NIPAL3: variants seen among roughly 807,000 people sequenced by gnomAD.
The protein encoded by NIPAL3 is NIPA like domain containing 3.
Under a neutral mutation model 47.2 loss-of-function variants are expected in NIPAL3, and 41 were observed. The ratio of observed to expected loss-of-function variants is 0.87; its 90% CI spans 0.68 to 1.13. The LOEUF (loss-of-function observed/expected upper bound fraction) is 1.13. NIPAL3 is among the 50% of genes most tolerant of loss of function. The pLI, the probability that NIPAL3 is intolerant of heterozygous loss-of-function variation, is 0.00. For synonymous variants in NIPAL3, 194 were observed against 209.6 expected (o/e 0.93, Z 0.64); for missense variants, 449 against 530.1 (o/e 0.85, Z 1.50).
chr1:24,424,316 A>G (rs1391904711), intron 2 of NIPAL3, among the ~76,000 whole-genome samples: 3 of 152,184 alleles, frequency 2.0e-5, no homozygotes, highest in African/African-American at 7.2e-5. Flanking sequence ...CTGTTGCCTT[A>G]TCTGTAGAAT....
intron 2 of NIPAL3, among the ~76,000 whole-genome samples, chr1:24,427,962 T>C (rs1644673299): frequency 6.6e-6 from 1 of 152,128 alleles, no homozygotes; most frequent in Non-Finnish European, 1.5e-5. Context: ...CCACAACCCC[T>C]GCAGGCACTG....
At chr1:24,462,910 G>T (rs778552522) in intron 10 of NIPAL3, among the ~76,000 whole-genome samples, 22 of 151,998 alleles carry the variant, frequency 1.4e-4, no homozygotes, top group Non-Finnish European at 2.5e-4. Flanking sequence ...CCAGCCTGGT[G>T]GTTTGCCAAC....
chr1:24,431,742 C>G (rs1644887401), intron 2 of NIPAL3, among the ~76,000 whole-genome samples: 1 of 152,044 alleles, frequency 6.6e-6, no homozygotes, highest in African/African-American at 2.4e-5. Flanking sequence ...CCATTTTTCC[C>G]TGAGTCTTTT....
chr1:24,465,102 C>T (rs536394166), intron 11 of NIPAL3: 1 of 152,272 alleles, frequency 6.6e-6, no homozygotes, highest in African/African-American at 2.4e-5. Context: ...AACTCAATGT[C>T]AATGTGCTCC....
chr1:24,414,504 G>C (rs1300061421), upstream of NIPAL3: 1 of 145,464 alleles, frequency 6.9e-6, no homozygotes, highest in Non-Finnish European at 1.5e-5. Context: ...CCAATGGCTC[G>C]CCTTTAAATT....
chr1:24,469,377 G>C lies in NIPAL3; in HGVS notation c.*192G>C. ...GGAAATTTCAAATGATGAGGGTTGG[G>C]GGATGGAAGCATTATTCCAGGTGGA... is the stretch of plus-strand genomic sequence containing the variant. On this transcript the variant is annotated 3_prime_UTR_variant, in exon 12 of 12. Coordinates refer to ENST00000374399, the MANE Select transcript of NIPAL3 (RefSeq NM_020448.5). 1 of 572,796 alleles carries C rather than the reference G, an allele frequency of 1.7e-6. No homozygotes were observed. Among genetic ancestry groups the C allele is most frequent in the Non-Finnish European group, 3.1e-6 (1 of 325,644 alleles). 35.5% of individuals were successfully genotyped at this position (572,796 alleles called of 1,614,324 possible).
At chr1:24,417,928 G>A (rs1455369261) in intron 1 of NIPAL3, among the ~76,000 whole-genome samples, 1 of 152,138 alleles carries the variant, frequency 6.6e-6, no homozygotes. Context: ...AATATTTGTT[G>A]GATGAATGCA....
chr1:24,418,456 C>G (rs1644161681), intron 1 of NIPAL3, among the ~76,000 whole-genome samples: 1 of 151,994 alleles, frequency 6.6e-6, no homozygotes. Context: ...ATGGCGAAAC[C>G]CTGTCTCTAC....
intron 6 of NIPAL3, among the ~76,000 whole-genome samples, chr1:24,453,173 T>C (rs1369128489): frequency 6.6e-6 from 1 of 152,102 alleles, no homozygotes; most frequent in Non-Finnish European, 1.5e-5. Flanking sequence ...CCCTCAAAGC[T>C]TCAGCCTCAG....
rs377426633 is a variant in NIPAL3, at chr1:24,419,632, T to C, written c.85T>C (p.Ser29Pro). The change falls in exon 2 of 12, where the codon TCC becomes CCC. Residue 29 changes from serine to proline, a missense_variant. Coordinates refer to ENST00000374399, the MANE Select transcript of NIPAL3 (RefSeq NM_020448.5). ...CAGCGCCGTAAGCGAGGCCTCCTTC[T>C]CCTACAAGGCAAGGGCTTTTTTGGG... ...SSSAVSEASF[S>P]YKENLIGALL... 4 of 1,613,762 alleles carry C rather than the reference T, an allele frequency of 2.5e-6. No homozygotes were observed. In the African/African-American group the frequency reaches 5.3e-5, roughly 22 times the overall value.
chr1:24,448,632 C>T (rs1245677714), intron 5 of NIPAL3, among the ~76,000 whole-genome samples: 1 of 149,010 alleles, frequency 6.7e-6, no homozygotes, highest in Non-Finnish European at 1.5e-5. Context: ...CAGTGCAATA[C>T]CATCATGGCT....
In NIPAL3 at chr1:24,456,296, G is replaced by C. The variant is rs376487970; in HGVS notation, c.773+23G>C. On this transcript the variant is annotated intron_variant, in intron 8 of 11. Coordinates refer to ENST00000374399, the MANE Select transcript of NIPAL3 (RefSeq NM_020448.5). ...TGCGTGAGTTACAAATCCTTTTCCT[G>C]CTGGGCCCTGCCATTCGGGCTGCTT... 3.1e-6 allele frequency: 5 copies of C among 1,613,996 alleles called. No individual in the cohort carries two copies. The African/African-American group carries it at 6.7e-5, about 22-fold the overall frequency.
At chr1:24,450,986 C>T (rs1203762798) in intron 6 of NIPAL3, among the ~76,000 whole-genome samples, 1 of 152,256 alleles carries the variant, frequency 6.6e-6, no homozygotes, top group African/African-American at 2.4e-5. Context: ...TACCCCAGAA[C>T]AGGCCTTTCA....
rs764879730 is a variant in NIPAL3 at position 24,449,476 on chromosome 1, C to T, written c.395-5C>T. The T allele has an allele frequency of 1.8e-5, 29 of 1,612,726 alleles. No homozygotes were observed. Among genetic ancestry groups the T allele is most frequent in the African/African-American group, 5.3e-5 (4 of 74,864 alleles). On this transcript the variant is annotated splice_polypyrimidine_tract_variant and splice_region_variant and intron_variant, in intron 5 of 11. Transcript: ENST00000374399. The surrounding 1 kb of genome is among the most constrained non-coding windows in gnomAD (Gnocchi z 4.5). ...TGAGTCCGTGACAGCCTCTCTTCCCCGCAGGGCGCTACGTCTTGTCCTTTG... is the reference window on the plus strand; with the variant it reads ...TGAGTCCGTGACAGCCTCTCTTCCCTGCAGGGCGCTACGTCTTGTCCTTTG...
intron 2 of NIPAL3, among the ~76,000 whole-genome samples, chr1:24,434,086 C>G (rs1031060730): frequency 1.3e-5 from 2 of 152,024 alleles, no homozygotes; most frequent in Non-Finnish European, 2.9e-5. Context: ...GACAGAAGTC[C>G]TTTCTTATTA....
intron 11 of NIPAL3, chr1:24,465,822 A>G (rs1347591575): frequency 7.4e-6 from 6 of 811,074 alleles, no homozygotes; most frequent in Non-Finnish European, 1.1e-5. Context: ...ATGCCTGGTT[A>G]TATTTGGTTT....
chr1:24,429,002 T>C (rs533365051), intron 2 of NIPAL3, among the ~76,000 whole-genome samples: 1 of 152,310 alleles, frequency 6.6e-6, no homozygotes, highest in African/African-American at 2.4e-5. Flanking sequence ...CTCGTGGATT[T>C]AGTCAACCAC....
In NIPAL3 at chr1:24,464,097, A is replaced by G. The variant is rs374480930; in HGVS notation, c.998A>G (p.Tyr333Cys). 2 of 1,613,454 alleles carry G rather than the reference A, an allele frequency of 1.2e-6. No homozygotes were observed. The highest frequency in any genetic ancestry group is 1.1e-5 in the South Asian group (1 of 90,998). ...AAGAAGCCCATTCCATTTGAGCCCT[A>G]TATTTCCATGGATGCCATGCCAGGT... ...NRKKPIPFEP[Y>C]ISMDAMPGMQ... The change falls in exon 11 of 12, where the codon TAT becomes TGT. Residue 333 changes from tyrosine to cysteine, a missense_variant. Tyr to Cys is a radical substitution (Grantham distance 194). Transcript: ENST00000374399.
At chr1:24,453,135 A>G (rs1428562743) in intron 6 of NIPAL3, among the ~76,000 whole-genome samples, 1 of 152,134 alleles carries the variant, frequency 6.6e-6, no homozygotes, top group East Asian at 1.9e-4. Flanking sequence ...GCCCTCCAAG[A>G]AAGAGTGGAT....
Sources: gnomAD v4.1 joint callset for allele counts (sites outside exome capture counted in the v4.1 genomes callset) on GRCh38, gnomAD v4.1.1 for gene constraint, Gnocchi (gnomAD v3.1) non-coding constraint, MANE v1.5 for transcripts, NCBI Gene and HGNC (gene_info 2026-07-23, HGNC 2026-07-21) for gene names.